The following CACNA1C variants were observed in gnomAD, a reference collection of about 807,000 sequenced individuals.
CACNA1C encodes the protein calcium voltage-gated channel subunit alpha1 C, also known as voltage-dependent L-type calcium channel subunit alpha-1C.
CACNA1C carries 30 observed loss-of-function variants against 229.0 expected under a neutral mutation model. The ratio of observed to expected loss-of-function variants is 0.13; its 90% confidence interval spans 0.10 to 0.18. CACNA1C has a LOEUF of 0.18. Ranked by LOEUF, CACNA1C falls within the 10% of genes least tolerant of loss-of-function variation. The pLI is 1.00. For missense variants in CACNA1C, 1,658 were observed against 2,845.0 expected, an observed-to-expected ratio of 0.58 and a Z score of 9.49; for synonymous variants, 1,114 against 1,132.5, an observed-to-expected ratio of 0.98 and a Z score of 0.33.
At chr12:1,985,797 A>G (rs759202104) in intron 1 of CACNA1C, among the ~76,000 whole-genome samples, 1 of 152,022 alleles carries the variant, frequency 6.6e-6, no homozygotes, top group Non-Finnish European at 1.5e-5. Context: ...GATGCTTCCC[A>G]TATCAGTTCC....
At chr12:2,592,406 A>C (rs1351229795) in intron 18 of CACNA1C, among the ~76,000 whole-genome samples, 2 of 152,258 alleles carry the variant, frequency 1.3e-5, no homozygotes, top group South Asian at 4.1e-4. Flanking sequence ...AGAAAGAAAC[A>C]GAGCCAGGAT....
chr12:2,504,528 T>C lies in CACNA1C; in HGVS notation c.1114-314T>C. The C allele has an allele frequency of 1.2e-6, 2 of 1,601,736 alleles. No homozygotes were observed. The highest frequency in any genetic ancestry group is 8.6e-7 in the Non-Finnish European group (1 of 1,168,746). On this transcript the variant is annotated intron_variant, in intron 7 of 46. Coordinates refer to ENST00000399655, the MANE Select transcript of CACNA1C (RefSeq NM_000719.7). This position sits in a 1 kb window ranked among gnomAD's most constrained non-coding sequence, Gnocchi z 6.8. ...TTTTCGTTCTAAATCTGGTTCTCGG[T>C]GTGTTGAGCGGGTAAGCTGACCGTT...
intron 3 of CACNA1C, among the ~76,000 whole-genome samples, chr12:2,176,633 AC>A (rs1418211938): frequency 6.6e-6 from 1 of 152,128 alleles, no homozygotes; most frequent in African/African-American, 2.4e-5. Context: ...ATGTGGCATT[AC>A]AGGAAATGCT....
chr12:2,657,209 A>T (rs1400314447), intron 34 of CACNA1C, among the ~76,000 whole-genome samples: 1 of 152,226 alleles, frequency 6.6e-6, no homozygotes, highest in East Asian at 1.9e-4. Flanking sequence ...GTTATGAGTT[A>T]TGAACAAGGA....
chr12:2,434,452 G>C (rs1420013068), intron 3 of CACNA1C, among the ~76,000 whole-genome samples: 1 of 152,186 alleles, frequency 6.6e-6, no homozygotes, highest in Non-Finnish European at 1.5e-5. Flanking sequence ...AAGAAATGGA[G>C]ACACAGGAAG....
intron 18 of CACNA1C, among the ~76,000 whole-genome samples, chr12:2,586,881 G>A (rs746503619): frequency 2.0e-5 from 3 of 152,204 alleles, no homozygotes; most frequent in Non-Finnish European, 2.9e-5. Context: ...AACAGGAAGG[G>A]CGTTTTCATA....
intron 29 of CACNA1C, 41 bp downstream of exon 29, chr12:2,612,054 G>A: frequency 1.6e-6 from 2 of 1,231,538 alleles, no homozygotes; most frequent in Non-Finnish European, 2.4e-6. Flanking sequence ...AGGCATCAGG[G>A]GTGGACAGAA....
chr12:2,408,161 G>C lies in CACNA1C; in HGVS notation c.478-40815G>C, dbSNP rs573657467. On this transcript the variant is annotated intron_variant, in intron 3 of 46. Coordinates refer to ENST00000399655, the MANE Select transcript of CACNA1C (RefSeq NM_000719.7). ...GACACAAAAGAACAAATATTACATG[G>C]TTCCACTTACGTGAGGTACCCAGAC... 1.2e-4 allele frequency among the ~76,000 whole-genome samples: 18 copies of C among 152,344 alleles called. No individual in the cohort carries two copies. In the South Asian group the frequency reaches 3.7e-3, roughly 32 times the overall value.
At chr12:2,457,737 TA>T in intron 5 of CACNA1C, 31 bp downstream of exon 5, 1 of 1,517,792 alleles carries the variant, frequency 6.6e-7, no homozygotes. Flanking sequence ...TGTACAGTGT[TA>T]TCTCCTCACC....
In CACNA1C at chr12:2,688,555, C is replaced by A; in HGVS notation, c.5893C>A (p.Pro1965Thr). 6.2e-7 allele frequency: 1 copy of A among 1,613,908 alleles called. No individual in the cohort carries two copies. The highest frequency in any genetic ancestry group is 8.5e-7 in the Non-Finnish European group (1 of 1,179,838). ...PPATPGSRGWPPQPVPTLRLE... is the reference protein window; with the variant it reads ...PPATPGSRGWTPQPVPTLRLE... Reference sequence around the variant, plus strand: ...AGCCACACCTGGCAGCCGAGGCTGGCCCCCACAGCCCGTCCCCACCCTGCG... The same window carrying A: ...AGCCACACCTGGCAGCCGAGGCTGGACCCCACAGCCCGTCCCCACCCTGCG... Residue 1965 changes from proline (P) to threonine (T), a missense_variant, in exon 46 of 47, where the codon CCC becomes ACC. Around this residue, in one of 20 missense-constraint regions of CACNA1C, gnomAD observed 590 missense variants for 700.8 expected, o/e 0.84. Transcript: ENST00000399655.
chr12:2,494,702 T>G (rs1325760991), intron 7 of CACNA1C, among the ~76,000 whole-genome samples: 1 of 152,218 alleles, frequency 6.6e-6, no homozygotes, highest in Non-Finnish European at 1.5e-5. Flanking sequence ...GTACGGAGAT[T>G]TGGTGCACAG....
At chr12:2,105,029 C>T (rs1270792052) in intron 1 of CACNA1C, among the ~76,000 whole-genome samples, 1 of 152,182 alleles carries the variant, frequency 6.6e-6, no homozygotes, top group African/African-American at 2.4e-5. Flanking sequence ...CTCACCGAAG[C>T]AGTGTTGGCC....
At chr12:2,111,337 G>C (rs538253731) in intron 1 of CACNA1C, among the ~76,000 whole-genome samples, 1 of 152,202 alleles carries the variant, frequency 6.6e-6, no homozygotes. Flanking sequence ...GCCAGCTGCC[G>C]TCTTGGTAGC....
chr12:2,227,582 C>T (rs2063399341), intron 3 of CACNA1C, among the ~76,000 whole-genome samples: 1 of 152,216 alleles, frequency 6.6e-6, no homozygotes, highest in Non-Finnish European at 1.5e-5. Context: ...CACAAAGCCT[C>T]TTTATCTGTT....
chr12:2,610,280 G>A (rs1267085696), intron 27 of CACNA1C, among the ~76,000 whole-genome samples: 1 of 152,174 alleles, frequency 6.6e-6, no homozygotes, highest in African/African-American at 2.4e-5. Context: ...GAGGTGTATG[G>A]TCCCTGCCTA....
At chr12:2,517,868 GA>G (rs1162739293) in intron 9 of CACNA1C, among the ~76,000 whole-genome samples, 1 of 152,178 alleles carries the variant, frequency 6.6e-6, no homozygotes, top group African/African-American at 2.4e-5. Context: ...TCTTCAAGAT[GA>G]AAAAACACAT....
intron 3 of CACNA1C, among the ~76,000 whole-genome samples, chr12:2,438,359 A>ATGATGGTGATGGTGG (rs2099174233): frequency 2.2e-5 from 3 of 137,266 alleles, no homozygotes; most frequent in East Asian, 4.6e-4. Context: ...GGTGGTGGTA[A>ATGATGGTGATGGTGG]TGATGGTGGT....
intron 1 of CACNA1C, among the ~76,000 whole-genome samples, chr12:2,059,615 C>T (rs1030982314): frequency 6.6e-6 from 1 of 152,092 alleles, no homozygotes; most frequent in Non-Finnish European, 1.5e-5. Flanking sequence ...GTATAGGGGG[C>T]AAGGGGCTAG....
At chr12:2,267,485 C>G (rs75548797) in intron 3 of CACNA1C, among the ~76,000 whole-genome samples, 6,981 of 152,208 alleles carry the variant, frequency 0.046, 197 homozygotes, top group Middle Eastern at 0.068. Context: ...GAGGAAACAG[C>G]TGAGCACCTG....
Sources: allele counts gnomAD v4.1 joint callset (sites outside exome capture counted in the v4.1 genomes callset), GRCh38; gene constraint gnomAD v4.1.1; regional missense constraint gnomAD v4.1.1; non-coding constraint Gnocchi (gnomAD v3.1); transcripts MANE v1.5; gene names NCBI Gene and HGNC (gene_info 2026-07-23, HGNC 2026-07-21).